AFF3: variants seen among roughly 807,000 people sequenced by gnomAD.
AFF3 encodes the protein AF4/FMR2 family member 3.
AFF3 carries 32 observed loss-of-function variants against 129.7 expected under a neutral mutation model. That is an observed-to-expected ratio of 0.25 (90% CI 0.19 to 0.33). The LOEUF (loss-of-function observed/expected upper bound fraction) is 0.33. Ranked by LOEUF, AFF3 falls within the 10% of genes least tolerant of loss-of-function variation. The pLI is 1.00. For missense variants in AFF3, 1,373 were observed against 1,592.0 expected, an observed-to-expected ratio of 0.86 and a Z score of 2.34; for synonymous variants, 644 against 635.4, an observed-to-expected ratio of 1.01 and a Z score of -0.20.
intron 7 of AFF3, among the ~76,000 whole-genome samples, chr2:99,916,157 C>T (rs2106222167): frequency 6.6e-6 from 1 of 152,260 alleles, no homozygotes; most frequent in Admixed American, 6.5e-5. Context: ...AGTGGGGTGG[C>T]CCTACAGGAG....
rs556855561 is a variant in AFF3 at position 100,073,490 on chromosome 2, G to A, written c.53+30912C>T. 3.9e-5 allele frequency among the ~76,000 whole-genome samples: 6 copies of A among 152,276 alleles called. No individual in the cohort carries two copies. The East Asian group carries it at 1.2e-3, about 29-fold the overall frequency. ...CTTCCAGCCCCCAGGACTGCCAGGT[G>A]ACACACACCTGCTGTTGAGGCTGTC... On this transcript the variant is annotated intron_variant, in intron 4 of 24. Coordinates refer to ENST00000672756, the MANE Select transcript of AFF3 (RefSeq NM_001386135.1).
intron 7 of AFF3, among the ~76,000 whole-genome samples, chr2:99,953,575 A>G (rs1315666641): frequency 6.6e-6 from 1 of 152,248 alleles, no homozygotes; most frequent in African/African-American, 2.4e-5. Flanking sequence ...GGTAATAGCT[A>G]TAACTTCTCA....
chr2:100,048,389 C>T (rs949985372), intron 4 of AFF3, among the ~76,000 whole-genome samples: 2 of 152,186 alleles, frequency 1.3e-5, no homozygotes, highest in African/African-American at 2.4e-5. Flanking sequence ...TATAGTGGAG[C>T]AGCTCTCCGT....
intron 11 of AFF3, among the ~76,000 whole-genome samples, chr2:99,702,206 A>G (rs1268681735): frequency 1.1e-4 from 17 of 152,192 alleles, no homozygotes; most frequent in Admixed American, 1.0e-3. Context: ...GAGTGTCTAT[A>G]CCATTTTACA....
At chr2:99,793,151 G>A (rs1685316430) in intron 8 of AFF3, among the ~76,000 whole-genome samples, 1 of 152,182 alleles carries the variant, frequency 6.6e-6, no homozygotes, top group Non-Finnish European at 1.5e-5. Context: ...TAATGGGTGA[G>A]TTTCTAGCTC....
Position 99,593,630 on chromosome 2 carries a change from CGAG to C in AFF3, c.2028_2030del (p.Ser677del), listed in dbSNP as rs1678964498. ...CCTGCTCGGACTCCAGGTCGGAGTC[CGAG>C]GAGGAGGATGAAGATGACGACTCTG... On this transcript the variant is annotated inframe_deletion, in exon 15 of 25. Transcript: ENST00000672756. The C allele has an allele frequency of 1.9e-6, 3 of 1,609,704 alleles. No homozygotes were observed. Among genetic ancestry groups the C allele is most frequent in the African/African-American group, 1.3e-5 (1 of 74,796 alleles).
At chr2:99,967,188 G>A (rs180803679) in intron 7 of AFF3, among the ~76,000 whole-genome samples, 2 of 151,812 alleles carry the variant, frequency 1.3e-5, no homozygotes, top group Non-Finnish European at 2.9e-5. Context: ...CTTATACACA[G>A]GTACACAGGT....
chr2:99,813,861 C>T (rs890014344), intron 8 of AFF3, among the ~76,000 whole-genome samples: 10 of 152,170 alleles, frequency 6.6e-5, no homozygotes, highest in African/African-American at 2.4e-4. Context: ...ATAAAGTGCA[C>T]CTTCCAGCTA....
intron 8 of AFF3, among the ~76,000 whole-genome samples, chr2:99,829,919 G>C (rs932565254): frequency 6.6e-6 from 1 of 152,162 alleles, no homozygotes; most frequent in Non-Finnish European, 1.5e-5. Context: ...AGAAAATGTG[G>C]CATATATACA....
intron 11 of AFF3, among the ~76,000 whole-genome samples, chr2:99,725,847 T>C (rs1028944212): frequency 2.0e-5 from 3 of 152,200 alleles, no homozygotes; most frequent in African/African-American, 7.2e-5. Context: ...AATTAAAACT[T>C]TTATAAAATA....
intron 18 of AFF3, among the ~76,000 whole-genome samples, chr2:99,575,030 G>A (rs1676850777): frequency 6.6e-6 from 1 of 151,924 alleles, no homozygotes; most frequent in African/African-American, 2.4e-5. Flanking sequence ...AGTAATCCTA[G>A]GAAACCTTCC....
chr2:99,586,095 A>C (rs917637051), intron 16 of AFF3, among the ~76,000 whole-genome samples: 1 of 152,280 alleles, frequency 6.6e-6, no homozygotes, highest in Non-Finnish European at 1.5e-5. Context: ...CTCACTGCTT[A>C]GAAATTCTGG....
At chr2:99,877,020 A>T (rs62147621) in intron 7 of AFF3, among the ~76,000 whole-genome samples, 4,380 of 152,266 alleles carry the variant, frequency 0.029, 79 homozygotes, top group Non-Finnish European at 0.041. Context: ...GCAGGTTGGT[A>T]GAGTGGGTGG....
At chr2:100,065,466 C>G (rs1009601081) in intron 4 of AFF3, among the ~76,000 whole-genome samples, 4 of 152,186 alleles carry the variant, frequency 2.6e-5, no homozygotes, top group African/African-American at 9.7e-5. Flanking sequence ...AGATCATTAT[C>G]TCTAAAAGAA....
chr2:99,777,281 C>T (rs1683979874), intron 8 of AFF3, among the ~76,000 whole-genome samples: 2 of 152,144 alleles, frequency 1.3e-5, no homozygotes. Context: ...CACTAGGAGA[C>T]CACAGTTCTT....
At chr2:99,923,349 C>T (rs960835201) in intron 7 of AFF3, among the ~76,000 whole-genome samples, 2 of 152,218 alleles carry the variant, frequency 1.3e-5, no homozygotes, top group African/African-American at 4.8e-5. Flanking sequence ...TACCACAGTA[C>T]AGATTGTTAA....
chr2:99,868,003 ACT>A (rs752900712), intron 7 of AFF3, among the ~76,000 whole-genome samples: 5 of 129,402 alleles, frequency 3.9e-5, no homozygotes, highest in Non-Finnish European at 3.2e-5. Flanking sequence ...AACACCCACG[ACT>A]CTCTTTCTTT....
rs370042026 is a variant in AFF3 at position 99,995,185 on chromosome 2, A to C, written c.873+11447T>G. 7.2e-5 allele frequency among the ~76,000 whole-genome samples: 11 copies of C among 152,300 alleles called. No homozygotes were observed. In the East Asian group the frequency reaches 1.5e-3, roughly 21 times the overall value. On this transcript the variant is annotated intron_variant, in intron 7 of 24. Coordinates refer to ENST00000672756, the MANE Select transcript of AFF3 (RefSeq NM_001386135.1). Reference sequence around the variant, plus strand: ...TTAACTTAAGATTTCCAGTTTCACAAGAAATTGTCTTCATAGGTGACTCCT... The same window carrying C: ...TTAACTTAAGATTTCCAGTTTCACACGAAATTGTCTTCATAGGTGACTCCT...
At chr2:99,966,767 A>C (rs1677821366) in intron 7 of AFF3, among the ~76,000 whole-genome samples, 1 of 150,052 alleles carries the variant, frequency 6.7e-6, no homozygotes, top group African/African-American at 2.4e-5. Flanking sequence ...AATTCAATAG[A>C]GATATTATTT....
Sources: allele counts gnomAD v4.1 joint callset (sites outside exome capture counted in the v4.1 genomes callset), GRCh38; gene constraint gnomAD v4.1.1; transcripts MANE v1.5; gene names NCBI Gene and HGNC (gene_info 2026-07-23, HGNC 2026-07-21).